The following C8orf34 variants were observed in gnomAD, a reference collection of about 807,000 sequenced individuals.
C8orf34 encodes the protein chromosome 8 open reading frame 34, also known as uncharacterized protein C8orf34.
A neutral mutation model predicts 68.3 loss-of-function variants in C8orf34; 65 were observed. The ratio of observed to expected loss-of-function variants is 0.95; its 90% CI spans 0.78 to 1.17. The LOEUF (loss-of-function observed/expected upper bound fraction) is 1.17. Among genes scored for constraint, C8orf34 ranks in the 50% most tolerant of loss-of-function variants. The probability of loss-of-function intolerance (pLI) is 0.00; values close to 1 mark genes in which losing one functional copy is unlikely to be tolerated. For missense variants in C8orf34, 664 were observed against 655.4 expected, an observed-to-expected ratio of 1.01 and a Z score of -0.14; for synonymous variants, 244 against 241.2, an observed-to-expected ratio of 1.01 and a Z score of -0.11.
At chr8:68,351,030 G>A (rs1806490227) in intron 1 of C8orf34, among the ~76,000 whole-genome samples, 1 of 151,944 alleles carries the variant, frequency 6.6e-6, no homozygotes, top group African/African-American at 2.4e-5. Flanking sequence ...ATGTTGGCTT[G>A]TTTGTGTGGT....
chr8:68,564,284 A>C (rs1816519937), intron 7 of C8orf34, among the ~76,000 whole-genome samples: 1 of 152,244 alleles, frequency 6.6e-6, no homozygotes, highest in South Asian at 2.1e-4. Context: ...TTTTAAAAGA[A>C]CAAAAATGAA....
At chr8:68,695,059 A>G (rs940962505) in intron 8 of C8orf34, among the ~76,000 whole-genome samples, 1 of 152,090 alleles carries the variant, frequency 6.6e-6, no homozygotes, top group Admixed American at 6.6e-5. Flanking sequence ...GTTTCCTGCC[A>G]TACAACAAAC....
intron 1 of C8orf34, among the ~76,000 whole-genome samples, chr8:68,421,954 A>T (rs1809994323): frequency 6.6e-6 from 1 of 152,180 alleles, no homozygotes; most frequent in South Asian, 2.1e-4. Flanking sequence ...AAACCATCAG[A>T]TCTTTTGAGA....
intron 1 of C8orf34, among the ~76,000 whole-genome samples, chr8:68,405,644 C>T (rs1438672607): frequency 6.6e-6 from 1 of 152,182 alleles, no homozygotes; most frequent in Non-Finnish European, 1.5e-5. Context: ...TTTCCTCTTC[C>T]TGGTAAACAA....
chr8:68,375,121 G>T (rs1233611768), intron 1 of C8orf34, among the ~76,000 whole-genome samples: 1 of 152,040 alleles, frequency 6.6e-6, no homozygotes, highest in Non-Finnish European at 1.5e-5. Context: ...CCTCTTATTG[G>T]ACTAGCTCAA....
intron 8 of C8orf34, among the ~76,000 whole-genome samples, chr8:68,697,442 T>C (rs1179413293): frequency 6.6e-6 from 1 of 152,110 alleles, no homozygotes; most frequent in Non-Finnish European, 1.5e-5. Flanking sequence ...TGAATTTTTT[T>C]CCCCTCATGT....
At chr8:68,582,351 C>T (rs867654299) in intron 7 of C8orf34, among the ~76,000 whole-genome samples, 14 of 152,212 alleles carry the variant, frequency 9.2e-5, no homozygotes, top group Middle Eastern at 3.4e-3. Context: ...TAGGATATTA[C>T]CCCTCTGGAA....
chr8:68,651,463 C>G (rs561413408), intron 8 of C8orf34, among the ~76,000 whole-genome samples: 19 of 152,198 alleles, frequency 1.2e-4, no homozygotes, highest in African/African-American at 4.6e-4. Flanking sequence ...TTTGGACGTT[C>G]GAGAATATCT....
chr8:68,534,229 A>G (rs949577067), intron 7 of C8orf34: 6 of 985,278 alleles, frequency 6.1e-6, no homozygotes, highest in Non-Finnish European at 7.2e-6. Flanking sequence ...TCATGCTAAC[A>G]TTAAGGAGAT....
chr8:68,372,279 A>G (rs904507331), intron 1 of C8orf34, among the ~76,000 whole-genome samples: 1 of 152,190 alleles, frequency 6.6e-6, no homozygotes, highest in Admixed American at 6.5e-5. Flanking sequence ...GCAAACAGGG[A>G]AAAACTGGGA....
intron 10 of C8orf34, among the ~76,000 whole-genome samples, chr8:68,737,543 C>T (rs1333680149): frequency 4.0e-5 from 6 of 151,896 alleles, no homozygotes; most frequent in Non-Finnish European, 8.8e-5. Context: ...TATGCAATGC[C>T]ACCCATACAC....
intron 7 of C8orf34, among the ~76,000 whole-genome samples, chr8:68,550,496 G>C (rs953607204): frequency 6.6e-6 from 1 of 151,678 alleles, no homozygotes; most frequent in Non-Finnish European, 1.5e-5. Context: ...ACAGCTATCT[G>C]TTAGATCAAT....
At chr8:68,700,840 A>G (rs1404345227) in intron 8 of C8orf34, among the ~76,000 whole-genome samples, 1 of 152,128 alleles carries the variant, frequency 6.6e-6, no homozygotes, top group African/African-American at 2.4e-5. Flanking sequence ...CAAAAAAATA[A>G]ATCTGGAGAA....
chr8:68,546,266 A>T (rs796569502), intron 7 of C8orf34, among the ~76,000 whole-genome samples: 3 of 152,130 alleles, frequency 2.0e-5, no homozygotes, highest in African/African-American at 7.2e-5. Context: ...CACCAATTAA[A>T]AGGCAGAGGT....
At chr8:68,618,627 C>A (rs1818300224) in intron 7 of C8orf34, among the ~76,000 whole-genome samples, 1 of 152,156 alleles carries the variant, frequency 6.6e-6, no homozygotes, top group African/African-American at 2.4e-5. Context: ...CTCAGCTTCC[C>A]AAAGTGCTGG....
intron 8 of C8orf34, among the ~76,000 whole-genome samples, chr8:68,672,042 A>G (rs1243122745): frequency 3.3e-5 from 5 of 152,222 alleles, no homozygotes; most frequent in Non-Finnish European, 7.3e-5. Flanking sequence ...TGAACCATAT[A>G]TGTATAAAAT....
At chr8:68,459,099 A>C (rs1472810966) in intron 3 of C8orf34, among the ~76,000 whole-genome samples, 1 of 152,158 alleles carries the variant, frequency 6.6e-6, no homozygotes, top group Non-Finnish European at 1.5e-5. Context: ...AGTGACCTTA[A>C]ACTGTACCTA....
chr8:68,440,238 A>G (rs1402438631), intron 2 of C8orf34, among the ~76,000 whole-genome samples: 1 of 152,184 alleles, frequency 6.6e-6, no homozygotes, highest in Non-Finnish European at 1.5e-5. Context: ...TTGGTCTGTT[A>G]GTTTGACATT....
intron 5 of C8orf34, among the ~76,000 whole-genome samples, chr8:68,509,980 G>A (rs191789947): frequency 1.4e-4 from 22 of 152,278 alleles, no homozygotes; most frequent in Middle Eastern, 3.4e-3. Flanking sequence ...GGATACTAAC[G>A]TGGCCTTTAT....
Sources: gnomAD v4.1 joint callset for allele counts (sites outside exome capture counted in the v4.1 genomes callset) on GRCh38, gnomAD v4.1.1 for gene constraint, MANE v1.5 for transcripts, NCBI Gene and HGNC (gene_info 2026-07-23, HGNC 2026-07-21) for gene names.